PTPRD: variants seen among roughly 807,000 people sequenced by gnomAD.
PTPRD encodes the protein receptor-type tyrosine-protein phosphatase delta.
Under a neutral mutation model 214.5 loss-of-function variants are expected in PTPRD, and 34 were observed. The observed-to-expected ratio is 0.16, with a 90% CI of 0.12 to 0.21. The LOEUF (loss-of-function observed/expected upper bound fraction) is 0.21, where lower values mean the gene tolerates loss of function less well. PTPRD is among the 10% of genes least tolerant of loss of function. The pLI is 1.00. For missense variants in PTPRD, 2,545 were observed against 2,398.7 expected (o/e 1.06, Z -1.27); for synonymous variants, 1,128 against 845.7 (o/e 1.33, Z -5.79).
intron 14 of PTPRD, among the ~76,000 whole-genome samples, chr9:8,585,083 G>C (rs937742548): frequency 5.9e-5 from 9 of 152,096 alleles, no homozygotes; most frequent in Non-Finnish European, 1.3e-4. Flanking sequence ...AGGGGACACA[G>C]CCAAACCACT....
intron 2 of PTPRD, among the ~76,000 whole-genome samples, chr9:10,449,300 C>T (rs908322670): frequency 3.3e-5 from 5 of 151,904 alleles, no homozygotes; most frequent in African/African-American, 4.9e-5. Flanking sequence ...CTGGGCCTCC[C>T]GAGGCGCCGG....
At chr9:9,600,906 T>C (rs1313538949) in intron 7 of PTPRD, among the ~76,000 whole-genome samples, 1 of 151,908 alleles carries the variant, frequency 6.6e-6, no homozygotes, top group Non-Finnish European at 1.5e-5. Flanking sequence ...TCATGATATG[T>C]TTGGTTTTTA....
intron 11 of PTPRD, among the ~76,000 whole-genome samples, chr9:8,836,855 G>C (rs1219422856): frequency 6.6e-6 from 1 of 151,600 alleles, no homozygotes; most frequent in Non-Finnish European, 1.5e-5. Context: ...CAGCTGATTA[G>C]ACTAGTAGCA....
At chr9:9,427,194 T>C (rs1464067777) in intron 8 of PTPRD, among the ~76,000 whole-genome samples, 1 of 152,074 alleles carries the variant, frequency 6.6e-6, no homozygotes, top group East Asian at 1.9e-4. Context: ...CTGACTAGAA[T>C]AACCAGCTTA....
At chr9:10,366,836 T>G (rs1229148874) in intron 2 of PTPRD, among the ~76,000 whole-genome samples, 1 of 152,164 alleles carries the variant, frequency 6.6e-6, no homozygotes, top group Middle Eastern at 3.2e-3. Context: ...AAAACTGACT[T>G]TGTGAAAACA....
intron 4 of PTPRD, among the ~76,000 whole-genome samples, chr9:10,018,301 C>T (rs985887800): frequency 3.3e-5 from 5 of 151,908 alleles, no homozygotes; most frequent in Non-Finnish European, 5.9e-5. Context: ...CTTTCTATCT[C>T]TTTTATATAT....
At chr9:10,232,431 G>C (rs1007242472) in intron 3 of PTPRD, among the ~76,000 whole-genome samples, 1 of 151,974 alleles carries the variant, frequency 6.6e-6, no homozygotes, top group Admixed American at 6.6e-5. Context: ...CCTAGAAACA[G>C]AGCTCTTGAG....
At chr9:8,557,745 T>TAAA (rs752836520) in intron 14 of PTPRD, among the ~76,000 whole-genome samples, 4 of 46,774 alleles carry the variant, frequency 8.6e-5, no homozygotes, top group African/African-American at 1.2e-4. Flanking sequence ...TGTCTCTCAA[T>TAAA]AAAAAAAAAA....
intron 14 of PTPRD, among the ~76,000 whole-genome samples, chr9:8,611,111 T>C (rs1254007928): frequency 6.6e-6 from 1 of 152,194 alleles, no homozygotes; most frequent in Non-Finnish European, 1.5e-5. Flanking sequence ...TTTCTTATAA[T>C]CACTAAAATA....
intron 7 of PTPRD, among the ~76,000 whole-genome samples, chr9:9,658,564 A>G (rs2096564875): frequency 6.6e-6 from 1 of 152,146 alleles, no homozygotes; most frequent in Admixed American, 6.6e-5. Context: ...GATCTCTCCA[A>G]GAAGATCACT....
In PTPRD at chr9:8,325,806, A is replaced by T. The variant is rs570322641; in HGVS notation, c.5534+5776T>A. Among the ~76,000 whole-genome samples, 306 of 56,082 alleles carry T rather than the reference A, an allele frequency of 5.5e-3. 4 individuals are homozygous for T. The highest frequency in any genetic ancestry group is 9.6e-3 in the East Asian group (16 of 1,668). The allele number at this position is 56,082 out of a possible 152,430, so 36.8% of individuals were successfully genotyped here. A position where few individuals can be genotyped will look rare whatever the true frequency, so the allele number is the denominator to read the frequency against. Reference sequence around the variant, plus strand: ...GAAGAGGTCCTTCACATTCCTTGTTAAGTTGGACTCCTAGGTATTTTATCT... The same window carrying T: ...GAAGAGGTCCTTCACATTCCTTGTTTAGTTGGACTCCTAGGTATTTTATCT... On this transcript the variant is annotated intron_variant, in intron 44 of 45. Coordinates refer to ENST00000381196, the MANE Select transcript of PTPRD (RefSeq NM_002839.4).
chr9:10,179,491 A>C (rs1221784852), intron 3 of PTPRD, among the ~76,000 whole-genome samples: 1 of 152,060 alleles, frequency 6.6e-6, no homozygotes, highest in Non-Finnish European at 1.5e-5. Flanking sequence ...CAGAATAATA[A>C]TTTCAAGTTT....
chr9:9,036,236 G>T (rs1426992082), intron 10 of PTPRD, among the ~76,000 whole-genome samples: 5 of 149,992 alleles, frequency 3.3e-5, no homozygotes, highest in Non-Finnish European at 7.4e-5. Flanking sequence ...TTGGCAGGTT[G>T]TATGGAAACT....
intron 11 of PTPRD, among the ~76,000 whole-genome samples, chr9:8,812,799 T>C (rs1356057547): frequency 6.6e-6 from 1 of 151,352 alleles, no homozygotes; most frequent in Non-Finnish European, 1.5e-5. Context: ...TGGACTTACC[T>C]CAGAAACATT....
At chr9:8,440,398 C>G (rs2095508417) in intron 34 of PTPRD, among the ~76,000 whole-genome samples, 1 of 151,738 alleles carries the variant, frequency 6.6e-6, no homozygotes, top group Non-Finnish European at 1.5e-5. Context: ...TCACTGTAAG[C>G]TCTACCTCCC....
At chr9:9,015,392 G>T (rs1423479754) in intron 11 of PTPRD, among the ~76,000 whole-genome samples, 3 of 152,122 alleles carry the variant, frequency 2.0e-5, no homozygotes, top group African/African-American at 7.2e-5. Flanking sequence ...CGTCCTCACT[G>T]CTACACTCCC....
Position 9,582,044 on chromosome 9 carries a change from C to T in PTPRD, c.-286-7263G>A, listed in dbSNP as rs114902459. 2.6e-3 allele frequency among the ~76,000 whole-genome samples: 395 copies of T among 152,146 alleles called. 1 individual carries two copies. The highest frequency in any genetic ancestry group is 9.0e-3 in the African/African-American group (374 of 41,546). ...TACAATTGCATTCTATAATCTCTTC[C>T]GGGATTTTTCTTTTGGTATTCCAAA... On this transcript the variant is annotated intron_variant, in intron 7 of 45. Coordinates refer to ENST00000381196, the MANE Select transcript of PTPRD (RefSeq NM_002839.4).
intron 3 of PTPRD, among the ~76,000 whole-genome samples, chr9:10,194,030 C>G (rs1229034538): frequency 6.6e-6 from 1 of 151,960 alleles, no homozygotes; most frequent in Non-Finnish European, 1.5e-5. Context: ...CCTCTTTCTC[C>G]AAAGTACTTC....
At chr9:9,455,273 C>T (rs916053049) in intron 8 of PTPRD, among the ~76,000 whole-genome samples, 31 of 151,446 alleles carry the variant, frequency 2.0e-4, no homozygotes, top group South Asian at 1.2e-3. Flanking sequence ...AGGCACCTTG[C>T]CTCATTTTTT....
Sources: gnomAD v4.1 joint callset for allele counts (sites outside exome capture counted in the v4.1 genomes callset) on GRCh38, gnomAD v4.1.1 for gene constraint, MANE v1.5 for transcripts, NCBI Gene and HGNC (gene_info 2026-07-23, HGNC 2026-07-21) for gene names.